The following PLB1 variants were observed in gnomAD, a reference collection of about 807,000 sequenced individuals.
PLB1 encodes the protein phospholipase B1, membrane-associated.
Under a neutral mutation model 227.4 loss-of-function variants are expected in PLB1, and 242 were observed. The ratio of observed to expected loss-of-function variants is 1.06; its 90% CI spans 0.96 to 1.18. The LOEUF (loss-of-function observed/expected upper bound fraction) is 1.18. Ranked by LOEUF, PLB1 falls within the 50% of genes most tolerant of loss-of-function variation. The pLI is 0.00. For synonymous variants in PLB1, 757 were observed against 682.2 expected (o/e 1.11, Z -1.71); for missense variants, 1,858 against 1,816.3 (o/e 1.02, Z -0.42).
chr2:28,626,591 C>A (rs1333790453), intron 51 of PLB1, 83 bp downstream of exon 51: 1 of 1,209,938 alleles, frequency 8.3e-7, no homozygotes, highest in South Asian at 1.2e-5. Flanking sequence ...ATCCCTGGCC[C>A]TGCCCCGAGC....
chr2:28,598,123 C>G, intron 34 of PLB1, 75 bp downstream of exon 34: 1 of 1,305,054 alleles, frequency 7.7e-7, no homozygotes, highest in Non-Finnish European at 1.1e-6. Flanking sequence ...AAAGTGCCTC[C>G]CAGGTAAGCA....
At chr2:28,525,413 C>A (rs944278394) in intron 5 of PLB1, 106 bp downstream of exon 5, 6 of 1,282,676 alleles carry the variant, frequency 4.7e-6, no homozygotes, top group Non-Finnish European at 6.6e-6. Context: ...AGGCTCAGTG[C>A]CTTGCTCAAG....
At chr2:28,606,699 G>A in intron 43 of PLB1, 132 bp downstream of exon 43, 1 of 798,442 alleles carries the variant, frequency 1.3e-6, no homozygotes, top group Non-Finnish European at 2.1e-6. Context: ...AGATTTGGAG[G>A]ATGGAGGGGA....
intron 27 of PLB1, 29 bp from the exon 28 acceptor site, chr2:28,589,646 C>CAGATAG: frequency 6.2e-7 from 1 of 1,610,248 alleles, no homozygotes; most frequent in Non-Finnish European, 8.5e-7. Flanking sequence ...GTGTCTATAA[C>CAGATAG]TGCCTCTCTT....
Position 28,496,165 on chromosome 2 carries a change from G to A in PLB1, c.51G>A (p.Gly17=). 1 of 1,614,034 alleles carries A rather than the reference G, an allele frequency of 6.2e-7. No homozygotes were observed. The highest frequency in any genetic ancestry group is 8.5e-7 in the Non-Finnish European group (1 of 1,179,918). ...IFLLELLLLL[G]QGTPQIHTSP... is the part of the protein sequence containing the mutation. ...TCCTGGAGCTGCTGCTGCTTCTGGG[G>A]CAAGGTAAGCGTGCCTTTTGCTCAG... The change falls in exon 1 of 58, where the codon GGG becomes GGA. Residue 17 remains glycine (G), a synonymous_variant. Coordinates refer to ENST00000327757, the MANE Select transcript of PLB1 (RefSeq NM_153021.5).
chr2:28,526,142 A>G (rs1670234581), intron 6 of PLB1, among the ~76,000 whole-genome samples, 197 bp downstream of exon 6: 1 of 152,106 alleles, frequency 6.6e-6, no homozygotes, highest in Non-Finnish European at 1.5e-5. Context: ...GGGTGTGCGA[A>G]ATGTATCCAG....
In PLB1 at chr2:28,573,177, T is replaced by C; in HGVS notation, c.1325-20T>C. ...TGCTTTGCAGTAGTCACTAAGCGTG[T>C]CTTTTCCTTGTATTTGCAGACATCC... On this transcript the variant is annotated intron_variant, in intron 20 of 57. Transcript: ENST00000327757. The C allele has an allele frequency of 6.3e-7, 1 of 1,588,408 alleles. No homozygotes were observed. The highest frequency in any genetic ancestry group is 1.1e-5 in the South Asian group (1 of 90,412).
At chr2:28,589,352 C>T in intron 26 of PLB1, 98 bp from the exon 27 acceptor site, 1 of 892,804 alleles carries the variant, frequency 1.1e-6, no homozygotes, top group Non-Finnish European at 1.8e-6. Flanking sequence ...ACTCAACAGT[C>T]AGATTCTGTT....
intron 57 of PLB1, among the ~76,000 whole-genome samples, chr2:28,642,087 T>C (rs1304797920): frequency 6.6e-6 from 1 of 152,172 alleles, no homozygotes; most frequent in African/African-American, 2.4e-5. Flanking sequence ...GGTCCAGATG[T>C]TGCCTTTACT....
At chr2:28,522,723 C>T (rs1280476208) in intron 4 of PLB1, among the ~76,000 whole-genome samples, 1 of 152,218 alleles carries the variant, frequency 6.6e-6, no homozygotes, top group Admixed American at 6.5e-5. Context: ...ACTCGGCCCC[C>T]CCTTCTCAGG....
intron 43 of PLB1, among the ~76,000 whole-genome samples, chr2:28,611,917 G>A (rs1023903369): frequency 2.7e-5 from 4 of 150,720 alleles, no homozygotes; most frequent in Non-Finnish European, 4.5e-5. Context: ...GAGGCGGGCG[G>A]ATCACCAGGT....
intron 17 of PLB1, among the ~76,000 whole-genome samples, chr2:28,553,263 C>A (rs909090960): frequency 6.6e-6 from 1 of 152,142 alleles, no homozygotes; most frequent in Non-Finnish European, 1.5e-5. Flanking sequence ...TGTCATCGTC[C>A]CTGCCTTGAC....
intron 25 of PLB1, 130 bp from the exon 26 acceptor site, chr2:28,585,631 C>G (rs953128714): frequency 1.3e-6 from 1 of 765,220 alleles, no homozygotes. Flanking sequence ...CAGCCAGGCT[C>G]CTCATTAGCA....
At chr2:28,590,946 G>T (rs2148284194) in intron 29 of PLB1, among the ~76,000 whole-genome samples, 187 bp from the exon 30 acceptor site, 1 of 152,330 alleles carries the variant, frequency 6.6e-6, no homozygotes, top group Admixed American at 6.5e-5. Context: ...CTCATTCTTT[G>T]TGCTGGGTTC....
At chr2:28,632,204 T>C in intron 55 of PLB1, 64 bp downstream of exon 55, 1 of 1,360,316 alleles carries the variant, frequency 7.4e-7, no homozygotes, top group Admixed American at 1.9e-5. Context: ...ATGGATGTAT[T>C]TCCTTCTCTA....
intron 17 of PLB1, among the ~76,000 whole-genome samples, chr2:28,553,701 G>GT (rs1023058468): frequency 6.6e-6 from 1 of 152,174 alleles, no homozygotes; most frequent in African/African-American, 2.4e-5. Flanking sequence ...GTCCTAAAGG[G>GT]GGGGGACTCA....
At chr2:28,588,309 C>G (rs1681267657) in intron 26 of PLB1, among the ~76,000 whole-genome samples, 1 of 152,166 alleles carries the variant, frequency 6.6e-6, no homozygotes, top group African/African-American at 2.4e-5. Flanking sequence ...CCAACATCCT[C>G]CATTTACTAA....
intron 15 of PLB1, among the ~76,000 whole-genome samples, chr2:28,549,749 CAA>C (rs1673924736): frequency 6.6e-6 from 1 of 152,134 alleles, no homozygotes; most frequent in Non-Finnish European, 1.5e-5. Context: ...CCCTTCTCAT[CAA>C]AATATATATA....
chr2:28,628,635 GA>G lies in PLB1; in HGVS notation c.3726+8del. 6.2e-7 allele frequency: 1 copy of G among 1,614,086 alleles called. No individual in the cohort carries two copies. On this transcript the variant is annotated splice_region_variant and intron_variant, in intron 52 of 57. Transcript: ENST00000327757. The stretch of plus-strand genomic sequence containing the variant: ...GGACATCCTCTCTGAGGAGGTAGGA[GA>G]GGGGTTACGTGTTCCTGGGTCCCGC...
Sources: gnomAD v4.1 joint callset for allele counts (sites outside exome capture counted in the v4.1 genomes callset) on GRCh38, gnomAD v4.1.1 for gene constraint, MANE v1.5 for transcripts, NCBI Gene and HGNC (gene_info 2026-07-23, HGNC 2026-07-21) for gene names.